The following ARMC8 variants were observed in gnomAD, a reference collection of about 807,000 sequenced individuals.
ARMC8 encodes the protein armadillo repeat-containing protein 8.
Under a neutral mutation model 99.3 loss-of-function variants are expected in ARMC8, and 20 were observed. The observed-to-expected ratio is 0.20, with a 90% confidence interval of 0.14 to 0.29. ARMC8 has a LOEUF of 0.29. Ranked by LOEUF, ARMC8 falls within the 10% of genes least tolerant of loss-of-function variation. The pLI, the probability that ARMC8 is intolerant of heterozygous loss-of-function variation, is 1.00. For synonymous variants in ARMC8, 263 were observed against 278.3 expected (o/e 0.95, Z 0.55); for missense variants, 569 against 809.5 (o/e 0.70, Z 3.60).
chr3:138,252,087 C>A (rs1559991544), intron 12 of ARMC8, among the ~76,000 whole-genome samples: 1 of 152,148 alleles, frequency 6.6e-6, no homozygotes, highest in African/African-American at 2.4e-5. Flanking sequence ...ATGCTCTTTC[C>A]TATGAATAAA....
At chr3:138,292,436 T>C (rs2051051062) in intron 21 of ARMC8, among the ~76,000 whole-genome samples, 1 of 152,206 alleles carries the variant, frequency 6.6e-6, no homozygotes, top group African/African-American at 2.4e-5. Context: ...AAGGCCATTG[T>C]AATAATGTCG....
Position 138,273,063 on chromosome 3 carries a change from A to T in ARMC8, c.1576A>T (p.Asn526Tyr). The change falls in exon 17 of 22, where the codon AAT becomes TAT. Residue 526 changes from asparagine to tyrosine, a missense_variant. By Grantham distance (143) the Asn-to-Tyr change is moderately radical. Coordinates refer to ENST00000469044, the MANE Select transcript of ARMC8 (RefSeq NM_001363941.2). ...LFRLLSDSDL[N>Y]VLMKTLGLLR... ...CCGGTTATTATCAGATTCAGATTTGAATGTGCTGATGAAGACATTGGGACT... is the reference window on the plus strand; with the variant it reads ...CCGGTTATTATCAGATTCAGATTTGTATGTGCTGATGAAGACATTGGGACT... 1 of 1,613,600 alleles carries T rather than the reference A, an allele frequency of 6.2e-7. No individual in the cohort carries two copies. The highest frequency in any genetic ancestry group is 1.3e-5 in the African/African-American group (1 of 75,042).
intron 12 of ARMC8, among the ~76,000 whole-genome samples, chr3:138,252,822 G>A (rs561066689): frequency 5.0e-5 from 7 of 138,694 alleles, no homozygotes; most frequent in Non-Finnish European, 1.0e-4. Context: ...CTTCGCATAT[G>A]CCTGTGTGTA....
At chr3:138,228,879 G>T in intron 5 of ARMC8, 39 bp from the exon 6 acceptor site, 1 of 1,233,820 alleles carries the variant, frequency 8.1e-7, no homozygotes. Context: ...ATGTACTCAT[G>T]GTGCCTGAGT....
chr3:138,279,184 A>C (rs1374357370), intron 18 of ARMC8, among the ~76,000 whole-genome samples: 6 of 152,164 alleles, frequency 3.9e-5, no homozygotes, highest in African/African-American at 7.2e-5. Context: ...AGGAAAAGAA[A>C]TTATCTTCTA....
chr3:138,203,646 T>C (rs2044200225), intron 1 of ARMC8, among the ~76,000 whole-genome samples: 1 of 152,212 alleles, frequency 6.6e-6, no homozygotes, highest in Non-Finnish European at 1.5e-5. Flanking sequence ...TGCTAGAACC[T>C]ACTTACTTGA....
At position 138,267,188 on chromosome 3, in the gene ARMC8, G is replaced by T; in HGVS notation, c.1333G>T (p.Val445Leu). The T allele has an allele frequency of 6.3e-7, 1 of 1,580,662 alleles. No individual in the cohort carries two copies. The highest frequency in any genetic ancestry group is 1.3e-5 in the African/African-American group (1 of 74,446). Residue 445 changes from valine (V) to leucine (L), a missense_variant, in exon 15 of 22, where the codon GTA becomes TTA. Around this residue, in one of 2 missense-constraint regions of ARMC8, gnomAD observed 227 missense variants for 417.9 expected, o/e 0.54. Transcript: ENST00000469044. ...LQNAPDEILV[V>L]ASSMLCNLLL... ...AAATGCACCAGATGAAATCCTAGTG[G>T]TAGCATCTTCCATGCTGTGTAATCT...
chr3:138,286,008 G>A (rs1025034244), intron 19 of ARMC8, among the ~76,000 whole-genome samples: 1 of 152,038 alleles, frequency 6.6e-6, no homozygotes, highest in African/African-American at 2.4e-5. Context: ...GCAGTGACGC[G>A]ATCTTGGCTC....
chr3:138,291,955 T>C (rs1234374178), intron 21 of ARMC8, among the ~76,000 whole-genome samples: 2 of 152,342 alleles, frequency 1.3e-5, no homozygotes, highest in East Asian at 3.9e-4. Flanking sequence ...CAGAGTTTAA[T>C]AGGAAATCAT....
intron 13 of ARMC8, 78 bp downstream of exon 13, chr3:138,263,899 A>T (rs1439187057): frequency 7.9e-7 from 1 of 1,265,078 alleles, no homozygotes; most frequent in Non-Finnish European, 1.2e-6. Context: ...TTCACTGAGT[A>T]AACACAGACT....
chr3:138,273,174 A>G (rs1048900376), intron 17 of ARMC8, 58 bp downstream of exon 17: 25 of 1,504,486 alleles, frequency 1.7e-5, no homozygotes, highest in Admixed American at 1.6e-4. Context: ...ATTGCAAGAC[A>G]TTGCTCTCTC....
intron 12 of ARMC8, among the ~76,000 whole-genome samples, chr3:138,253,288 C>G (rs1358214009): frequency 6.6e-6 from 1 of 152,172 alleles, no homozygotes; most frequent in Non-Finnish European, 1.5e-5. Flanking sequence ...TCACTATGTG[C>G]TGGACCCTGT....
At chr3:138,270,319 C>T (rs1560022468) in intron 16 of ARMC8, among the ~76,000 whole-genome samples, 187 bp downstream of exon 16, 2 of 152,284 alleles carry the variant, frequency 1.3e-5, no homozygotes, top group East Asian at 3.9e-4. Flanking sequence ...TAACTGTAAG[C>T]AAGTTATGCC....
At chr3:138,267,531 C>T (rs2048385380) in intron 15 of ARMC8, among the ~76,000 whole-genome samples, 1 of 152,136 alleles carries the variant, frequency 6.6e-6, no homozygotes, top group Non-Finnish European at 1.5e-5. Context: ...AATAATTTTT[C>T]TTACAAATAG....
intron 17 of ARMC8, 23 bp from the exon 18 acceptor site, chr3:138,274,426 A>C: frequency 6.8e-7 from 1 of 1,470,618 alleles, no homozygotes; most frequent in Non-Finnish European, 9.5e-7. Flanking sequence ...TTTGATAATT[A>C]TGGATTTCCC....
intron 15 of ARMC8, among the ~76,000 whole-genome samples, chr3:138,269,121 G>A (rs1020501107): frequency 1.3e-5 from 2 of 152,130 alleles, no homozygotes; most frequent in South Asian, 2.1e-4. Context: ...AAAAACTGGC[G>A]GATCTGGGAA....
intron 19 of ARMC8, chr3:138,287,688 A>G (rs2050563508): frequency 2.2e-6 from 1 of 456,726 alleles, no homozygotes; most frequent in Non-Finnish European, 4.4e-6. Flanking sequence ...AGAAAGAATC[A>G]CTAGCCATAG....
At chr3:138,267,454 T>C (rs1254819440) in intron 15 of ARMC8, among the ~76,000 whole-genome samples, 1 of 152,238 alleles carries the variant, frequency 6.6e-6, no homozygotes, top group Non-Finnish European at 1.5e-5. Context: ...ATCTAACATA[T>C]TCAGCTTATT....
chr3:138,264,323 A>G (rs1282905610), intron 14 of ARMC8, 111 bp downstream of exon 14: 1 of 737,888 alleles, frequency 1.4e-6, no homozygotes, highest in Non-Finnish European at 2.3e-6. Context: ...TGTGTAGAGC[A>G]TTTTGAACGT....
Sources: gnomAD v4.1 joint callset for allele counts (sites outside exome capture counted in the v4.1 genomes callset) on GRCh38, gnomAD v4.1.1 for gene constraint, gnomAD v4.1.1 regional missense constraint, MANE v1.5 for transcripts, NCBI Gene and HGNC (gene_info 2026-07-23, HGNC 2026-07-21) for gene names.